The following NDUFA9 variants were observed in gnomAD, a reference collection of about 807,000 sequenced individuals.
NDUFA9 encodes the protein NADH:ubiquinone oxidoreductase subunit A9.
Under a neutral mutation model 45.9 loss-of-function variants are expected in NDUFA9, and 23 were observed. The observed-to-expected ratio is 0.50, with a 90% confidence interval of 0.36 to 0.71. The LOEUF (loss-of-function observed/expected upper bound fraction) is 0.71, where lower values mean the gene tolerates loss of function less well. Among genes scored for constraint, NDUFA9 ranks in the 30% least tolerant of loss-of-function variants. The pLI, the probability that NDUFA9 is intolerant of heterozygous loss-of-function variation, is 0.00. For synonymous variants in NDUFA9, 176 were observed against 170.5 expected, an observed-to-expected ratio of 1.03 and a Z score of -0.25; for missense variants, 466 against 488.2, an observed-to-expected ratio of 0.95 and a Z score of 0.43.
rs1349601675 is a variant in NDUFA9, at chr12:4,688,684, A to C, written c.*1576A>C. 6.6e-6 allele frequency: 1 copy of C among 152,238 alleles called. No individual in the cohort carries two copies. Among genetic ancestry groups the C allele is most frequent in the Non-Finnish European group, 1.5e-5 (1 of 68,074 alleles). 9.4% of individuals were successfully genotyped at this position (152,238 alleles called of 1,614,324 possible). Reference sequence around the variant, plus strand: ...GCTGACCCCACCCCAGACCTACTGAATCAGAGTCTCAGGAAGGAGGGCCCA... The same window carrying C: ...GCTGACCCCACCCCAGACCTACTGACTCAGAGTCTCAGGAAGGAGGGCCCA... On this transcript the variant is annotated 3_prime_UTR_variant, in exon 11 of 11. Transcript: ENST00000266544.
rs753389193 is a variant in NDUFA9 at position 4,682,196 on chromosome 12, T to C, written c.801-9T>C. ...GTAATTGAAAGAACTGTGTATTGTC[T>C]TTTTATAGTCCCAGTCGGTACCTCC... On this transcript the variant is annotated splice_polypyrimidine_tract_variant and intron_variant, in intron 8 of 10. Coordinates refer to ENST00000266544, the MANE Select transcript of NDUFA9 (RefSeq NM_005002.5). The C allele has an allele frequency of 6.3e-6, 10 of 1,595,012 alleles. No homozygotes were observed. In the South Asian group the frequency reaches 1.0e-4, roughly 16 times the overall value.
At chr12:4,686,860 T>C (rs992533529) in intron 10 of NDUFA9, 78 bp from the exon 11 acceptor site, 79 of 1,383,222 alleles carry the variant, frequency 5.7e-5, no homozygotes, top group Middle Eastern at 2.3e-4. Flanking sequence ...CCAGCTTGAA[T>C]GTTTAAGTGC....
chr12:4,649,546 C>G (rs778262465), intron 1 of NDUFA9, among the ~76,000 whole-genome samples: 7 of 151,980 alleles, frequency 4.6e-5, no homozygotes, highest in Non-Finnish European at 1.0e-4. Flanking sequence ...AGGCTAGTGG[C>G]GAGAGGTTTT....
chr12:4,678,493 C>A (rs1156780311), intron 8 of NDUFA9, among the ~76,000 whole-genome samples: 1 of 151,844 alleles, frequency 6.6e-6, no homozygotes, highest in Admixed American at 6.6e-5. Flanking sequence ...TCAAAAGACA[C>A]CATTAAGAAA....
chr12:4,659,438 T>G (rs1945811208), intron 5 of NDUFA9, among the ~76,000 whole-genome samples: 1 of 152,178 alleles, frequency 6.6e-6, no homozygotes, highest in Non-Finnish European at 1.5e-5. Context: ...TAAAGTTTCT[T>G]TGGGGCATCA....
At chr12:4,669,318 A>G (rs984453146) in intron 7 of NDUFA9, among the ~76,000 whole-genome samples, 4 of 152,244 alleles carry the variant, frequency 2.6e-5, no homozygotes, top group Admixed American at 6.5e-5. Context: ...AATATTAGCA[A>G]TTCCATGTGG....
In NDUFA9 at chr12:4,669,793, A is replaced by G. The variant is rs780767024; in HGVS notation, c.776A>G (p.Asn259Ser). 3 of 1,612,884 alleles carry G rather than the reference A, an allele frequency of 1.9e-6. No individual in the cohort carries two copies. The highest frequency in any genetic ancestry group is 1.7e-4 in the Middle Eastern group (1 of 5,998). ...IVNAVKDPDA[N>S]GKSFAFVGPS... Reference sequence around the variant, plus strand: ...AATGCAGTTAAGGATCCTGATGCCAATGGGAAATCCTTTGCTTTCGTTGGG... The same window carrying G: ...AATGCAGTTAAGGATCCTGATGCCAGTGGGAAATCCTTTGCTTTCGTTGGG... The change falls in exon 8 of 11, where the codon AAT becomes AGT. Residue 259 changes from asparagine (N) to serine (S), a missense_variant. Transcript: ENST00000266544.
chr12:4,672,721 T>A (rs1945894812), intron 8 of NDUFA9, among the ~76,000 whole-genome samples: 1 of 152,204 alleles, frequency 6.6e-6, no homozygotes, highest in South Asian at 2.1e-4. Context: ...AAAAAGGCAG[T>A]AGCCCAAGTC....
At chr12:4,659,758 G>A (rs1026925410) in intron 5 of NDUFA9, among the ~76,000 whole-genome samples, 1 of 152,188 alleles carries the variant, frequency 6.6e-6, no homozygotes, top group African/African-American at 2.4e-5. Flanking sequence ...AGGGATATCA[G>A]TGTCTGGCCG....
In NDUFA9 at chr12:4,687,278, T is replaced by A. The variant is rs1591552093; in HGVS notation, c.*170T>A. ...TTGATTTACAAAATGAGAAATGTAG[T>A]CACTTAGAACTTGAGCATGATTTTT... is the stretch of plus-strand genomic sequence containing the variant. On this transcript the variant is annotated 3_prime_UTR_variant, in exon 11 of 11. Transcript: ENST00000266544. The A allele has an allele frequency of 6.7e-6, 4 of 600,876 alleles. No homozygotes were observed. The East Asian group carries it at 1.2e-4, about 18-fold the overall frequency. 37.2% of individuals were successfully genotyped at this position (600,876 alleles called of 1,614,324 possible).
chr12:4,660,748 C>G (rs1285746259), intron 5 of NDUFA9, among the ~76,000 whole-genome samples: 1 of 152,078 alleles, frequency 6.6e-6, no homozygotes, highest in East Asian at 1.9e-4. Flanking sequence ...CTTATGAATG[C>G]CATTGAGAAG....
Position 4,667,278 on chromosome 12 carries a change from C to G in NDUFA9, c.656-1179C>G, listed in dbSNP as rs142466088. Reference sequence around the variant, plus strand: ...CTCATGGCCTAATTATCTCTTAGTTCCTATCACATTGGCAACATCTGAACT... The same window carrying G: ...CTCATGGCCTAATTATCTCTTAGTTGCTATCACATTGGCAACATCTGAACT... On this transcript the variant is annotated intron_variant, in intron 6 of 10. Transcript: ENST00000266544. Among the ~76,000 whole-genome samples the G allele has an allele frequency of 3.1e-3, 469 of 152,200 alleles. 1 individual carries two copies. The highest frequency in any genetic ancestry group is 0.02 in the Middle Eastern group (6 of 294).
chr12:4,661,151 G>A (rs1233296532), intron 5 of NDUFA9, among the ~76,000 whole-genome samples: 1 of 152,126 alleles, frequency 6.6e-6, no homozygotes, highest in Admixed American at 6.5e-5. Context: ...ATTGAAAGTG[G>A]CACTGTTCCT....
At chr12:4,661,002 GT>G (rs35792516) in intron 5 of NDUFA9, among the ~76,000 whole-genome samples, 1 of 150,952 alleles carries the variant, frequency 6.6e-6, no homozygotes, top group South Asian at 2.1e-4. Context: ...GAGTTGGTAT[GT>G]TTTTTTTTAA....
chr12:4,660,832 G>T (rs183592745), intron 5 of NDUFA9, among the ~76,000 whole-genome samples: 13 of 152,280 alleles, frequency 8.5e-5, no homozygotes, highest in Admixed American at 8.5e-4. Context: ...ATCAAGAATA[G>T]ATTGAGTGCA....
chr12:4,684,763 C>T (rs1330989114), intron 9 of NDUFA9, among the ~76,000 whole-genome samples: 2 of 151,132 alleles, frequency 1.3e-5, no homozygotes, highest in Non-Finnish European at 2.9e-5. Flanking sequence ...TTTATATTGT[C>T]GTCCTGATTT....
chr12:4,663,270 G>T (rs1410674193), intron 6 of NDUFA9, among the ~76,000 whole-genome samples: 1 of 151,814 alleles, frequency 6.6e-6, no homozygotes, highest in Non-Finnish European at 1.5e-5. Context: ...TGTTGCTTGT[G>T]TCCACCTAAC....
At chr12:4,674,889 ACTT>A (rs1565570454) in intron 8 of NDUFA9, among the ~76,000 whole-genome samples, 2 of 152,238 alleles carry the variant, frequency 1.3e-5, no homozygotes, top group South Asian at 4.1e-4. Context: ...ACCACATTGC[ACTT>A]CTTCTAAAAT....
intron 4 of NDUFA9, 23 bp from the exon 5 acceptor site, chr12:4,659,013 T>A: frequency 6.2e-7 from 1 of 1,606,224 alleles, no homozygotes; most frequent in Non-Finnish European, 8.5e-7. Context: ...TCTTAACCAA[T>A]CCTTTTATTT....
Sources: gnomAD v4.1 joint callset for allele counts (sites outside exome capture counted in the v4.1 genomes callset) on GRCh38, gnomAD v4.1.1 for gene constraint, MANE v1.5 for transcripts, NCBI Gene and HGNC (gene_info 2026-07-23, HGNC 2026-07-21) for gene names.